The following NFIB variants were observed in gnomAD, a reference collection of about 807,000 sequenced individuals.
NFIB encodes the protein nuclear factor I B.
Under a neutral mutation model 61.5 loss-of-function variants are expected in NFIB, and 11 were observed. The observed-to-expected ratio is 0.18, with a 90% confidence interval of 0.11 to 0.30. The LOEUF (loss-of-function observed/expected upper bound fraction) is 0.30. Among genes scored for constraint, NFIB ranks in the 10% least tolerant of loss-of-function variants. The probability of loss-of-function intolerance (pLI) is 1.00; values close to 1 mark genes in which losing one functional copy is unlikely to be tolerated. For synonymous variants in NFIB, 260 were observed against 216.5 expected (o/e 1.20, Z -1.76); for missense variants, 471 against 608.9 (o/e 0.77, Z 2.38).
intron 1 of NFIB, among the ~76,000 whole-genome samples, chr9:14,354,625 G>C (rs560914274): frequency 6.6e-6 from 1 of 152,252 alleles, no homozygotes; most frequent in South Asian, 2.1e-4. Flanking sequence ...ATTTTTAAGT[G>C]GGATCAGCCC....
At chr9:14,359,198 G>C (rs551428572) in intron 1 of NFIB, among the ~76,000 whole-genome samples, 4 of 152,312 alleles carry the variant, frequency 2.6e-5, no homozygotes, top group African/African-American at 9.6e-5. Context: ...CCCCTAAAAA[G>C]ATATGTCCAA....
the NFIB span, among the ~76,000 whole-genome samples, chr9:14,495,139 G>A: frequency 3.3e-5 from 5 of 152,114 alleles, no homozygotes; most frequent in South Asian, 2.1e-4. Flanking sequence ...TATTCACAGC[G>A]TTCCTGTTTA....
At chr9:14,169,855 C>A (rs188077203) in intron 3 of NFIB, among the ~76,000 whole-genome samples, 15 of 152,170 alleles carry the variant, frequency 9.9e-5, no homozygotes, top group Admixed American at 3.3e-4. Context: ...ACACAAAAGT[C>A]CTTGCTTAAA....
At chr9:14,361,856 G>C (rs566801620) in intron 1 of NFIB, 5 of 152,280 alleles carry the variant, frequency 3.3e-5, no homozygotes, top group African/African-American at 1.2e-4. Flanking sequence ...GGAAAGGCAA[G>C]GAAGCTAATT....
chr9:14,166,226 T>C (rs1035003215), intron 3 of NFIB, among the ~76,000 whole-genome samples: 2 of 152,214 alleles, frequency 1.3e-5, no homozygotes, highest in African/African-American at 4.8e-5. Flanking sequence ...GGTTATACTT[T>C]CCTGTTCTTA....
chr9:14,319,445 G>A (rs1040595910), intron 1 of NFIB, among the ~76,000 whole-genome samples: 1 of 152,198 alleles, frequency 6.6e-6, no homozygotes, highest in Admixed American at 6.5e-5. Context: ...GAAAATAGAG[G>A]TAATAGTTGC....
the NFIB span, among the ~76,000 whole-genome samples, chr9:14,446,385 G>A: frequency 2.0e-5 from 3 of 152,004 alleles, no homozygotes; most frequent in South Asian, 2.1e-4. Flanking sequence ...CCTACATTAC[G>A]TGTTCTCATT....
intron 2 of NFIB, among the ~76,000 whole-genome samples, chr9:14,184,543 G>C (rs1163061210): frequency 6.6e-6 from 1 of 152,004 alleles, no homozygotes; most frequent in Non-Finnish European, 1.5e-5. Context: ...ATGTTTTATG[G>C]ACAATCTGGT....
chr9:14,431,633 GTT>G, the NFIB span, among the ~76,000 whole-genome samples: 8,756 of 127,826 alleles, frequency 0.068, 379 homozygotes, highest in South Asian at 0.13. Flanking sequence ...TTTTTGTTTT[GTT>G]TTTTTTTTTT....
rs1370717236 is a variant in NFIB, at chr9:14,085,489, T to A, written c.*2820A>T. 4.5e-6 allele frequency: 1 copy of A among 221,404 alleles called. No homozygotes were observed. The highest frequency in any genetic ancestry group is 9.0e-6 in the Non-Finnish European group (1 of 110,888). 13.7% of individuals were successfully genotyped at this position (221,404 alleles called of 1,614,324 possible). A position where few individuals can be genotyped will look rare whatever the true frequency, so the allele number is the denominator to read the frequency against. On this transcript the variant is annotated 3_prime_UTR_variant, in exon 11 of 11. Transcript: ENST00000380953. Reference sequence around the variant, plus strand: ...GGTACCATTCCTTAAAAAAATCCCATCAGCATCTAATGGGTTTAATTCATC... The same window carrying A: ...GGTACCATTCCTTAAAAAAATCCCAACAGCATCTAATGGGTTTAATTCATC...
At chr9:14,352,433 G>C (rs1241314558) in intron 1 of NFIB, among the ~76,000 whole-genome samples, 1 of 151,982 alleles carries the variant, frequency 6.6e-6, no homozygotes, top group East Asian at 1.9e-4. Flanking sequence ...AGAAGTGAGC[G>C]AGGCCACAGG....
chr9:14,457,576 T>TG, the NFIB span, among the ~76,000 whole-genome samples: 4 of 67,256 alleles, frequency 5.9e-5, no homozygotes, highest in Admixed American at 1.9e-4. Flanking sequence ...ATCCAGGAGC[T>TG]GGTTTTTTTT....
At chr9:14,263,001 C>G (rs962688205) in intron 2 of NFIB, among the ~76,000 whole-genome samples, 1 of 152,130 alleles carries the variant, frequency 6.6e-6, no homozygotes, top group Admixed American at 6.5e-5. Context: ...GAGTCTAAAA[C>G]TGTGAAACAC....
chr9:14,191,365 T>C (rs760001074), intron 2 of NFIB, among the ~76,000 whole-genome samples: 6 of 151,844 alleles, frequency 4.0e-5, no homozygotes, highest in Admixed American at 1.3e-4. Flanking sequence ...TACAGATAAT[T>C]CTAACCAAGA....
the NFIB span, among the ~76,000 whole-genome samples, chr9:14,438,127 G>C: frequency 2.0e-5 from 3 of 152,148 alleles, no homozygotes; most frequent in African/African-American, 7.2e-5. Context: ...GAAGCAGGGA[G>C]GGAAGGAGAG....
chr9:14,312,540 C>A (rs17286201), intron 1 of NFIB, among the ~76,000 whole-genome samples: 2 of 152,146 alleles, frequency 1.3e-5, no homozygotes, highest in African/African-American at 4.8e-5. Flanking sequence ...GTTGTTAGTT[C>A]CCTGGGCAGC....
chr9:14,366,646 T>C (rs1275872818), intron 1 of NFIB, among the ~76,000 whole-genome samples: 1 of 151,944 alleles, frequency 6.6e-6, no homozygotes. Flanking sequence ...CCACCATACC[T>C]GGCTAGTTTT....
rs554866811 is a variant in NFIB at position 14,237,418 on chromosome 9, G to A, written c.563-57638C>T. Among the ~76,000 whole-genome samples, 85 of 152,308 alleles carry A rather than the reference G, an allele frequency of 5.6e-4. 1 individual carries two copies. The highest frequency in any genetic ancestry group is 1.9e-3 in the African/African-American group (80 of 41,574). ...AACACCCAAAAAGTGCCGAAGGCCA[G>A]CACACACAGGGAAAAGCTTGGCCAC... is the stretch of plus-strand genomic sequence containing the variant. On this transcript the variant is annotated intron_variant, in intron 2 of 10. Coordinates refer to ENST00000380953, the MANE Select transcript of NFIB (RefSeq NM_001190737.2).
At chr9:14,528,447 T>TG in the NFIB span, among the ~76,000 whole-genome samples, 1 of 152,182 alleles carries the variant, frequency 6.6e-6, no homozygotes, top group African/African-American at 2.4e-5. Context: ...TAACCTTGGA[T>TG]AACAGAGGAT....
Sources: allele counts gnomAD v4.1 joint callset (sites outside exome capture counted in the v4.1 genomes callset), GRCh38; gene constraint gnomAD v4.1.1; transcripts MANE v1.5; gene names NCBI Gene and HGNC (gene_info 2026-07-23, HGNC 2026-07-21).